Variants in DPP10 observed in about 807,000 individuals in gnomAD.
The protein encoded by DPP10 is dipeptidyl peptidase like 10.
Under a neutral mutation model 120.9 loss-of-function variants are expected in DPP10, and 33 were observed. The observed-to-expected ratio is 0.27, with a 90% CI of 0.21 to 0.37. The LOEUF is 0.37. Among genes scored for constraint, DPP10 ranks in the 10% least tolerant of loss-of-function variants. DPP10 has a pLI of 1.00. For missense variants in DPP10, 816 were observed against 942.8 expected (o/e 0.87, Z 1.76); for synonymous variants, 337 against 326.1 (o/e 1.03, Z -0.36).
intron 11 of DPP10, among the ~76,000 whole-genome samples, chr2:115,755,829 G>A (rs1679319319): frequency 6.6e-6 from 1 of 151,794 alleles, no homozygotes. Context: ...CATAATAGTA[G>A]GGATGTAGAA....
intron 1 of DPP10, among the ~76,000 whole-genome samples, chr2:115,261,614 G>T (rs2059253432): frequency 6.6e-6 from 1 of 152,152 alleles, no homozygotes; most frequent in African/African-American, 2.4e-5. Flanking sequence ...AATTTATTTT[G>T]TGTGTGTGTT....
chr2:115,813,031 G>A (rs1017495506), intron 19 of DPP10, among the ~76,000 whole-genome samples: 4 of 136,164 alleles, frequency 2.9e-5, no homozygotes, highest in African/African-American at 1.2e-4. Context: ...CCGGACTGCG[G>A]ACTGCAGTGG....
intron 4 of DPP10, among the ~76,000 whole-genome samples, chr2:115,524,562 T>C (rs1390582884): frequency 6.6e-6 from 1 of 152,086 alleles, no homozygotes; most frequent in Non-Finnish European, 1.5e-5. Flanking sequence ...TTTCATCACT[T>C]AGGCATGATT....
intron 1 of DPP10, among the ~76,000 whole-genome samples, chr2:114,711,538 A>G (rs960107801): frequency 3.9e-5 from 6 of 152,160 alleles, no homozygotes; most frequent in Non-Finnish European, 8.8e-5. Context: ...AATAGAATGT[A>G]CTCATAAGAC....
rs985057874 is a variant in DPP10, at chr2:115,247,192, TGAG to T, written c.61-62043_61-62041del. Among the ~76,000 whole-genome samples, 7 of 151,918 alleles carry T rather than the reference TGAG, an allele frequency of 4.6e-5. No individual in the cohort carries two copies. The East Asian group carries it at 1.2e-3, about 25-fold the overall frequency. ...CAGGATAAAGAATGGAGGAGAAAAATGAGGAGAAGCTGGGGAGAGACTTCAGGT... is the reference window on the plus strand; with the variant it reads ...CAGGATAAAGAATGGAGGAGAAAAATGAGAAGCTGGGGAGAGACTTCAGGT... On this transcript the variant is annotated intron_variant, in intron 1 of 25. Coordinates refer to ENST00000410059, the MANE Select transcript of DPP10 (RefSeq NM_020868.6).
intron 1 of DPP10, among the ~76,000 whole-genome samples, chr2:114,733,924 T>C (rs1335836514): frequency 6.6e-6 from 1 of 152,156 alleles, no homozygotes; most frequent in African/African-American, 2.4e-5. Flanking sequence ...TCTTCCTAGA[T>C]GCAGGAAAGT....
At chr2:114,959,920 A>G (rs6714093) in intron 1 of DPP10, among the ~76,000 whole-genome samples, 1 of 151,978 alleles carries the variant, frequency 6.6e-6, no homozygotes, top group Non-Finnish European at 1.5e-5. Flanking sequence ...TGGGCTATTT[A>G]TTTTTTTATT....
Position 115,725,830 on chromosome 2 carries a change from C to G in DPP10, c.577-1986C>G, listed in dbSNP as rs78719801. Reference sequence around the variant, plus strand: ...TCCAAATAAGGAAAACGTTGTGCACCTGTGTTGTATACTGTTTGTGAAAAG... The same window carrying G: ...TCCAAATAAGGAAAACGTTGTGCACGTGTGTTGTATACTGTTTGTGAAAAG... On this transcript the variant is annotated intron_variant, in intron 7 of 25. Coordinates refer to ENST00000410059, the MANE Select transcript of DPP10 (RefSeq NM_020868.6). Among the ~76,000 whole-genome samples the G allele has an allele frequency of 9.4e-3, 1,427 of 152,148 alleles. 23 individuals are homozygous for G. Among genetic ancestry groups the G allele is most frequent in the African/African-American group, 0.033 (1,372 of 41,512 alleles).
intron 1 of DPP10, among the ~76,000 whole-genome samples, chr2:114,930,785 C>T (rs1432733233): frequency 6.6e-6 from 1 of 152,136 alleles, no homozygotes; most frequent in African/African-American, 2.4e-5. Context: ...TGAAATGGAG[C>T]TGTTGTTTGC....
chr2:114,774,680 T>C (rs1681573239), intron 1 of DPP10, among the ~76,000 whole-genome samples: 1 of 150,550 alleles, frequency 6.6e-6, no homozygotes, highest in Non-Finnish European at 1.5e-5. Flanking sequence ...TATATATATA[T>C]ACTCTATAGT....
chr2:115,207,594 T>A (rs1225726871), intron 1 of DPP10, among the ~76,000 whole-genome samples: 2 of 152,112 alleles, frequency 1.3e-5, no homozygotes, highest in Non-Finnish European at 2.9e-5. Flanking sequence ...AAGGTTATTC[T>A]AAGGAACACC....
In DPP10 at chr2:115,029,072, T is replaced by G. The variant is rs532746715; in HGVS notation, c.61-280167T>G. 2.0e-5 allele frequency among the ~76,000 whole-genome samples: 3 copies of G among 152,244 alleles called. No individual in the cohort carries two copies. In the East Asian group the frequency reaches 5.8e-4, roughly 29 times the overall value. On this transcript the variant is annotated intron_variant, in intron 1 of 25. Transcript: ENST00000410059. The stretch of plus-strand genomic sequence containing the variant: ...TATATTCAGTGTTATTATTGATGAA[T>G]AAAGGCTTATTATTGCTATTTTGTT...
intron 1 of DPP10, among the ~76,000 whole-genome samples, chr2:114,736,856 A>C (rs1238794345): frequency 6.6e-6 from 1 of 152,218 alleles, no homozygotes; most frequent in Non-Finnish European, 1.5e-5. Context: ...AATATTCAGG[A>C]TTCTACTTAG....
At chr2:115,778,087 A>G (rs1682334929) in intron 15 of DPP10, among the ~76,000 whole-genome samples, 1 of 151,928 alleles carries the variant, frequency 6.6e-6, no homozygotes, top group South Asian at 2.1e-4. Context: ...GTTTCTTAAT[A>G]TCTTTTTTGT....
intron 1 of DPP10, among the ~76,000 whole-genome samples, chr2:115,104,570 C>A (rs896432113): frequency 1.3e-5 from 2 of 152,080 alleles, no homozygotes. Context: ...AAGGTTTCAT[C>A]CCTGTTTTTT....
chr2:115,203,482 G>C (rs1228813875), intron 1 of DPP10, among the ~76,000 whole-genome samples: 3 of 152,086 alleles, frequency 2.0e-5, no homozygotes, highest in Non-Finnish European at 4.4e-5. Flanking sequence ...ACAGATTGGA[G>C]AGGGAGATGC....
chr2:115,617,361 ATATT>A (rs1303682623), intron 5 of DPP10, among the ~76,000 whole-genome samples: 2 of 149,144 alleles, frequency 1.3e-5, no homozygotes, highest in Non-Finnish European at 3.0e-5. Context: ...GTATACATAT[ATATT>A]TATGCATAAC....
chr2:115,768,555 A>G (rs1681076659), intron 13 of DPP10, 151 bp downstream of exon 13: 2 of 607,820 alleles, frequency 3.3e-6, no homozygotes, highest in Non-Finnish European at 2.9e-6. Flanking sequence ...ACCTCCATCC[A>G]TAGCCATACA....
At chr2:115,229,689 C>CCTATTCTATT (rs58625775) in intron 1 of DPP10, among the ~76,000 whole-genome samples, 4,887 of 139,772 alleles carry the variant, frequency 0.035, 103 homozygotes, top group Non-Finnish European at 0.039. Context: ...TCTGAGTTCT[C>CCTATTCTATT]CTATTCTATT....
Sources: allele counts gnomAD v4.1 joint callset (sites outside exome capture counted in the v4.1 genomes callset), GRCh38; gene constraint gnomAD v4.1.1; transcripts MANE v1.5; gene names NCBI Gene and HGNC (gene_info 2026-07-23, HGNC 2026-07-21).